The following GYG1 variants were observed in gnomAD, a reference collection of about 807,000 sequenced individuals.
GYG1 encodes glycogenin 1.
GYG1 carries 44 observed loss-of-function variants against 41.9 expected under a neutral mutation model. That is an observed-to-expected ratio of 1.05 (90% CI 0.83 to 1.35). The LOEUF (loss-of-function observed/expected upper bound fraction) is 1.35. Among genes scored for constraint, GYG1 ranks in the 40% most tolerant of loss-of-function variants. The probability of loss-of-function intolerance (pLI) is 0.00; values close to 1 mark genes in which losing one functional copy is unlikely to be tolerated. For synonymous variants in GYG1, 141 were observed against 158.1 expected, an observed-to-expected ratio of 0.89 and a Z score of 0.81; for missense variants, 429 against 418.9, an observed-to-expected ratio of 1.02 and a Z score of -0.21.
chr3:149,011,924 G>A (rs914847374), intron 5 of GYG1, among the ~76,000 whole-genome samples: 1 of 152,148 alleles, frequency 6.6e-6, no homozygotes, highest in Non-Finnish European at 1.5e-5. Context: ...GCTTGTGGGG[G>A]TCAGCTCTAC....
intron 5 of GYG1, among the ~76,000 whole-genome samples, chr3:149,015,678 A>AC (rs1158808693): frequency 6.6e-6 from 1 of 152,130 alleles, no homozygotes; most frequent in African/African-American, 2.4e-5. Flanking sequence ...AAAGCCTGAC[A>AC]AGTGGGTCCA....
chr3:149,023,015 A>G (rs1482899862), intron 5 of GYG1, among the ~76,000 whole-genome samples: 1 of 152,206 alleles, frequency 6.6e-6, no homozygotes, highest in African/African-American at 2.4e-5. Flanking sequence ...ACAATAAGCA[A>G]ATATTTCTTA....
In GYG1 at chr3:149,026,997, A is replaced by G; in HGVS notation, c.*64A>G. ...GCCTTGTTTCTGATACTTAGTATCT[A>G]GAGCTGGGTTGAGAAAAGTCTGTTA... On this transcript the variant is annotated 3_prime_UTR_variant, in exon 8 of 8. Coordinates refer to ENST00000345003, the MANE Select transcript of GYG1 (RefSeq NM_004130.4). 6.5e-7 allele frequency: 1 copy of G among 1,545,206 alleles called. No individual in the cohort carries two copies.
chr3:148,997,303 T>C, intron 4 of GYG1, among the ~76,000 whole-genome samples: 1 of 152,138 alleles, frequency 6.6e-6, no homozygotes, highest in East Asian at 1.9e-4. Context: ...TCAAGCATTG[T>C]CACTATGGAA....
intron 2 of GYG1, among the ~76,000 whole-genome samples, chr3:148,994,537 G>A (rs1372090907): frequency 6.6e-6 from 1 of 151,914 alleles, no homozygotes; most frequent in Admixed American, 6.6e-5. Context: ...AGAAGGAGTC[G>A]TCTTCCTTCA....
chr3:149,030,298 T>A lies in GYG1; in HGVS notation c.*3365T>A, dbSNP rs1240295279. The A allele has an allele frequency of 6.6e-6, 1 of 152,188 alleles. No individual in the cohort carries two copies. Among genetic ancestry groups the A allele is most frequent in the Admixed American group, 6.5e-5 (1 of 15,288 alleles). 9.4% of individuals were successfully genotyped at this position (152,188 alleles called of 1,614,324 possible). ...GAAGTTTTCATTCCAGTGGCTTTTT[T>A]ATATATTTATCCTTCTTAGGAAGGA... is the stretch of plus-strand genomic sequence containing the variant. On this transcript the variant is annotated 3_prime_UTR_variant, in exon 8 of 8. Coordinates refer to ENST00000345003, the MANE Select transcript of GYG1 (RefSeq NM_004130.4).
intron 7 of GYG1, 77 bp downstream of exon 7, chr3:149,026,579 G>T: frequency 9.3e-7 from 1 of 1,077,524 alleles, no homozygotes; most frequent in Non-Finnish European, 1.4e-6. Flanking sequence ...TCTTCATTTT[G>T]TTAGGAAAAA....
rs1469895820 is a variant in GYG1, at chr3:149,031,594, CTT to C, written c.*4662_*4663del. The C allele has an allele frequency of 6.6e-6, 1 of 152,336 alleles. No individual in the cohort carries two copies. The highest frequency in any genetic ancestry group is 1.5e-5 in the Non-Finnish European group (1 of 68,002). The allele number at this position is 152,336 out of a possible 1,614,324, so 9.4% of individuals were successfully genotyped here. On this transcript the variant is annotated 3_prime_UTR_variant, in exon 8 of 8. Transcript: ENST00000345003. Reference sequence around the variant, plus strand: ...TAACTAAAATGGAAAAAATAGTACTCTTAACATAATCCCTAATTTTTTCATGA... The same window carrying C: ...TAACTAAAATGGAAAAAATAGTACTCAACATAATCCCTAATTTTTTCATGA...
At chr3:149,010,592 G>A (rs1293472646) in intron 5 of GYG1, among the ~76,000 whole-genome samples, 1 of 152,120 alleles carries the variant, frequency 6.6e-6, no homozygotes, top group Non-Finnish European at 1.5e-5. Context: ...TTCCCAAAGT[G>A]CTAGGATTAC....
rs1576536215 is a variant in GYG1, at chr3:148,994,089, G to A, written c.8-53G>A. 16 of 1,525,558 alleles carry A rather than the reference G, an allele frequency of 1.0e-5. 1 individual carries two copies. In the East Asian group the frequency reaches 3.4e-4, roughly 32 times the overall value. 94.5% of individuals were successfully genotyped at this position (1,525,558 alleles called of 1,614,324 possible). ...GTTTGAATGGGTTCCTGGGGAAAAGGCTTTCTCCAGATAAGATACTGTAAT... is the reference window on the plus strand; with the variant it reads ...GTTTGAATGGGTTCCTGGGGAAAAGACTTTCTCCAGATAAGATACTGTAAT... On this transcript the variant is annotated intron_variant, in intron 1 of 7. Coordinates refer to ENST00000345003, the MANE Select transcript of GYG1 (RefSeq NM_004130.4).
At chr3:149,010,101 C>T (rs983654638) in intron 5 of GYG1, among the ~76,000 whole-genome samples, 1 of 152,126 alleles carries the variant, frequency 6.6e-6, no homozygotes, top group East Asian at 1.9e-4. Flanking sequence ...CAGAGTAATT[C>T]GTAAACCAGA....
At chr3:149,001,333 T>C (rs1319567535) in intron 4 of GYG1, 1 of 152,230 alleles carries the variant, frequency 6.6e-6, no homozygotes, top group African/African-American at 2.4e-5. Context: ...AATAAGTATC[T>C]TGAGGAAAAG....
chr3:149,009,577 G>T (rs1441471275), intron 5 of GYG1, among the ~76,000 whole-genome samples, 175 bp downstream of exon 5: 2 of 152,306 alleles, frequency 1.3e-5, no homozygotes, highest in Middle Eastern at 3.4e-3. Context: ...GTTATCGGTT[G>T]CCTCATGCTT....
intron 4 of GYG1, among the ~76,000 whole-genome samples, chr3:149,002,239 C>T (rs1292660182): frequency 6.6e-6 from 1 of 152,116 alleles, no homozygotes; most frequent in Admixed American, 6.5e-5. Context: ...TTTATTCCTG[C>T]CTCTATAAAG....
chr3:148,999,162 C>T (rs375865916), intron 4 of GYG1, among the ~76,000 whole-genome samples: 1 of 152,168 alleles, frequency 6.6e-6, no homozygotes, highest in South Asian at 2.1e-4. Flanking sequence ...AGCTTGGATG[C>T]GTGCAGAGTG....
At chr3:148,992,578 C>A (rs1010930176) in intron 1 of GYG1, 1 of 152,300 alleles carries the variant, frequency 6.6e-6, no homozygotes, top group Non-Finnish European at 1.5e-5. Context: ...TTACATTTTT[C>A]TCCATGATCG....
chr3:148,995,780 C>T (rs1712750725), intron 2 of GYG1, among the ~76,000 whole-genome samples: 1 of 152,200 alleles, frequency 6.6e-6, no homozygotes, highest in Non-Finnish European at 1.5e-5. Context: ...TTACCCAAGT[C>T]TACCCTACCG....
At chr3:149,009,046 C>T in intron 4 of GYG1, 1 of 448,970 alleles carries the variant, frequency 2.2e-6, no homozygotes, top group Non-Finnish European at 4.0e-6. Context: ...GTAGTCCCAG[C>T]TACTCGGGAG....
rs533617941 is a variant in GYG1, at chr3:149,001,705, C to A, written c.481+4801C>A. 5.2e-5 allele frequency: 8 copies of A among 152,390 alleles called. No individual in the cohort carries two copies. The East Asian group carries it at 1.5e-3, about 29-fold the overall frequency. 9.4% of individuals were successfully genotyped at this position (152,390 alleles called of 1,614,324 possible). A position where few individuals can be genotyped will look rare whatever the true frequency, so the allele number is the denominator to read the frequency against. Reference sequence around the variant, plus strand: ...TTCAGGGCAGCAGCTTGCCTGATGTCTCTGAGCTAGGCAAAGTCAGGTCTG... The same window carrying A: ...TTCAGGGCAGCAGCTTGCCTGATGTATCTGAGCTAGGCAAAGTCAGGTCTG... On this transcript the variant is annotated intron_variant, in intron 4 of 7. Coordinates refer to ENST00000345003, the MANE Select transcript of GYG1 (RefSeq NM_004130.4).
Sources: allele counts gnomAD v4.1 joint callset (sites outside exome capture counted in the v4.1 genomes callset), GRCh38; gene constraint gnomAD v4.1.1; transcripts MANE v1.5; gene names NCBI Gene and HGNC (gene_info 2026-07-23, HGNC 2026-07-21).